The following CHST6 variants were observed in gnomAD, a reference collection of about 807,000 sequenced individuals.
CHST6 encodes carbohydrate sulfotransferase 6.
For missense variants in CHST6, 698 were observed against 586.2 expected (o/e 1.19, Z -1.97); for synonymous variants, 309 against 276.4 (o/e 1.12, Z -1.17).
intron 1 of CHST6, among the ~76,000 whole-genome samples, chr16:75,493,873 G>C (rs1264310373): frequency 6.6e-6 from 1 of 152,166 alleles, no homozygotes; most frequent in East Asian, 1.9e-4. Context: ...CTGAGATGGA[G>C]TCTCGCTGTT....
chr16:75,483,297 T>C (rs1340174476), intron 1 of CHST6, among the ~76,000 whole-genome samples: 1 of 152,228 alleles, frequency 6.6e-6, no homozygotes, highest in Non-Finnish European at 1.5e-5. Context: ...CCTGGCCAGC[T>C]CAGCCCTTCC....
In CHST6 at chr16:75,479,198, G is replaced by C; in HGVS notation, c.631C>G (p.Arg211Gly). 1 of 1,609,162 alleles carries C rather than the reference G, an allele frequency of 6.2e-7. No individual in the cohort carries two copies. The highest frequency in any genetic ancestry group is 2.2e-5 in the East Asian group (1 of 44,848). Residue 211 changes from arginine to glycine, a missense_variant, in exon 3 of 3, where the codon CGG (arginine) becomes GGG (glycine). Transcript: ENST00000332272. ...VRDPRAVLRS[R>G]EQTAKALARD... is the part of the protein sequence containing the mutation. ...GCCAGAGCCTTGGCTGTCTGCTCCC[G>C]GGAGCGCAGCACGGCCCGCGGGTCG...
intron 1 of CHST6, among the ~76,000 whole-genome samples, chr16:75,491,177 A>T (rs2080248882): frequency 5.1e-5 from 4 of 78,162 alleles, no homozygotes; most frequent in Non-Finnish European, 9.3e-5. Flanking sequence ...AAAAAAAAAA[A>T]AAAAAAAAAA....
chr16:75,487,804 C>A (rs1180458961), intron 1 of CHST6, among the ~76,000 whole-genome samples: 2 of 138,166 alleles, frequency 1.4e-5, no homozygotes, highest in South Asian at 2.3e-4. Context: ...CTCCGTCCCC[C>A]CTAAAAAAAA....
intron 1 of CHST6, among the ~76,000 whole-genome samples, chr16:75,483,109 T>A (rs918108532): frequency 1.3e-5 from 2 of 152,200 alleles, no homozygotes; most frequent in African/African-American, 4.8e-5. Context: ...GTGGGCACGA[T>A]GATGTCAATT....
At chr16:75,491,190 A>T (rs375090814) in intron 1 of CHST6, among the ~76,000 whole-genome samples, 1,715 of 48,904 alleles carry the variant, frequency 0.035, 86 homozygotes, top group East Asian at 0.19. Context: ...AAAAAAAAAA[A>T]ATATATATAT....
At chr16:75,488,302 A>G (rs1266097309) in intron 1 of CHST6, among the ~76,000 whole-genome samples, 1 of 151,896 alleles carries the variant, frequency 6.6e-6, no homozygotes, top group Non-Finnish European at 1.5e-5. Context: ...CGTCTCTACT[A>G]AAAATACAAA....
At chr16:75,484,620 C>T (rs1317068002) in intron 1 of CHST6, among the ~76,000 whole-genome samples, 4 of 152,108 alleles carry the variant, frequency 2.6e-5, no homozygotes, top group Non-Finnish European at 4.4e-5. Flanking sequence ...GAGGCTGAGG[C>T]GGGCAGATCA....
intron 1 of CHST6, among the ~76,000 whole-genome samples, chr16:75,492,614 C>T (rs1158023553): frequency 6.6e-6 from 1 of 152,054 alleles, no homozygotes; most frequent in Non-Finnish European, 1.5e-5. Flanking sequence ...TCTGGGAGGC[C>T]AAGACAGGCA....
chr16:75,493,073 G>A (rs1016973412), intron 1 of CHST6, among the ~76,000 whole-genome samples: 19 of 151,948 alleles, frequency 1.3e-4, no homozygotes, highest in Admixed American at 3.3e-4. Flanking sequence ...CCATTTCCCC[G>A]CCCAAGACAC....
intron 2 of CHST6, among the ~76,000 whole-genome samples, chr16:75,480,394 G>A (rs1046713252): frequency 1.9e-4 from 29 of 152,128 alleles, no homozygotes; most frequent in African/African-American, 6.5e-4. Context: ...GGATCGCCCC[G>A]TGACTCAGTT....
At chr16:75,490,166 T>C (rs2080239968) in intron 1 of CHST6, among the ~76,000 whole-genome samples, 1 of 112,560 alleles carries the variant, frequency 8.9e-6, no homozygotes, top group Non-Finnish European at 1.8e-5. Flanking sequence ...AGAGCGAGAC[T>C]TTGCCTCAAA....
Position 75,473,788 on chromosome 16 carries a change from T to A in CHST6, c.*4853A>T, listed in dbSNP as rs1017823629. The stretch of plus-strand genomic sequence containing the variant: ...ATCTCTACAAATTTATTGTATTTTT[T>A]AAAAATGCTGTGTAAGACAGTGTTC... On this transcript the variant is annotated 3_prime_UTR_variant, in exon 3 of 3. Coordinates refer to ENST00000332272, the MANE Select transcript of CHST6 (RefSeq NM_021615.5). 4.6e-5 allele frequency: 7 copies of A among 152,214 alleles called. No individual in the cohort carries two copies. The highest frequency in any genetic ancestry group is 1.9e-4 in the East Asian group (1 of 5,202). 9.4% of individuals were successfully genotyped at this position (152,214 alleles called of 1,614,324 possible). A position where few individuals can be genotyped will look rare whatever the true frequency, so the allele number is the denominator to read the frequency against.
intron 1 of CHST6, among the ~76,000 whole-genome samples, chr16:75,488,602 G>A (rs2080225739): frequency 6.6e-6 from 1 of 152,156 alleles, no homozygotes; most frequent in Admixed American, 6.6e-5. Context: ...CATTTGGAAG[G>A]GGGAAGGCTA....
intron 1 of CHST6, among the ~76,000 whole-genome samples, chr16:75,482,623 A>G (rs576868655): frequency 1.3e-3 from 195 of 152,304 alleles, no homozygotes; most frequent in Non-Finnish European, 2.4e-3. Flanking sequence ...CCAAGGTCCC[A>G]AAGTGTTCTT....
chr16:75,485,450 G>A (rs975886844), intron 1 of CHST6, among the ~76,000 whole-genome samples: 2 of 152,166 alleles, frequency 1.3e-5, no homozygotes, highest in African/African-American at 4.8e-5. Flanking sequence ...GGGCAACAGA[G>A]TGTGACCCTC....
intron 1 of CHST6, among the ~76,000 whole-genome samples, chr16:75,488,507 G>A (rs1186542146): frequency 6.6e-6 from 1 of 151,548 alleles, no homozygotes; most frequent in Non-Finnish European, 1.5e-5. Flanking sequence ...CCAAAGGCTG[G>A]AAAAAACATA....
In CHST6 at chr16:75,477,506, A is replaced by G. The variant is rs566589147; in HGVS notation, c.*1135T>C. Reference sequence around the variant, plus strand: ...GTTCCCAGACCAGCTCTGTGTTCCAATGTGACTTGGGTTCATTTATGTGGC... The same window carrying G: ...GTTCCCAGACCAGCTCTGTGTTCCAGTGTGACTTGGGTTCATTTATGTGGC... On this transcript the variant is annotated 3_prime_UTR_variant, in exon 3 of 3. Transcript: ENST00000332272. 9.3e-4 allele frequency: 141 copies of G among 152,334 alleles called. No homozygotes were observed. Among genetic ancestry groups the G allele is most frequent in the African/African-American group, 3.1e-3 (127 of 41,574 alleles). The allele number at this position is 152,334 out of a possible 1,614,324, so 9.4% of individuals were successfully genotyped here.
intron 1 of CHST6, among the ~76,000 whole-genome samples, chr16:75,492,602 A>G (rs2738806): frequency 0.057 from 8,675 of 152,212 alleles, 462 homozygotes; most frequent in African/African-American, 0.14. Context: ...TAATCCCAGC[A>G]CTCTGGGAGG....
Sources: gnomAD v4.1 joint callset for allele counts (sites outside exome capture counted in the v4.1 genomes callset) on GRCh38, gnomAD v4.1.1 for gene constraint, MANE v1.5 for transcripts, NCBI Gene and HGNC (gene_info 2026-07-23, HGNC 2026-07-21) for gene names.